FOXP2: variants seen among roughly 807,000 people sequenced by gnomAD.
The protein encoded by FOXP2 is forkhead box protein P2.
A neutral mutation model predicts 115.8 loss-of-function variants in FOXP2; 12 were observed. The ratio of observed to expected loss-of-function variants is 0.10; its 90% CI spans 0.07 to 0.17. The LOEUF (loss-of-function observed/expected upper bound fraction) is 0.17, where lower values mean the gene tolerates loss of function less well. Ranked by LOEUF, FOXP2 falls within the 10% of genes least tolerant of loss-of-function variation. The pLI is 1.00. For synonymous variants in FOXP2, 328 were observed against 297.7 expected (o/e 1.10, Z -1.05); for missense variants, 629 against 843.5 (o/e 0.75, Z 3.15).
chr7:114,616,326 C>T (rs1330599376), intron 3 of FOXP2, among the ~76,000 whole-genome samples: 1 of 152,158 alleles, frequency 6.6e-6, no homozygotes, highest in African/African-American at 2.4e-5. Context: ...CCACACCTGG[C>T]TAATTTTTGT....
Position 114,654,884 on chromosome 7 carries a change from C to T in FOXP2, c.1266+875C>T, listed in dbSNP as rs116822284. Among the ~76,000 whole-genome samples, 1,151 of 152,052 alleles carry T rather than the reference C, an allele frequency of 7.6e-3. 10 individuals are homozygous for T. Among genetic ancestry groups the T allele is most frequent in the African/African-American group, 0.026 (1,059 of 41,496 alleles). On this transcript the variant is annotated intron_variant, in intron 10 of 16. Transcript: ENST00000350908. ...TTGTAGTTGGGGAGGAGACAGAAGA[C>T]GACTATATTGTCTAATTTTCTCGTA...
intron 1 of FOXP2, among the ~76,000 whole-genome samples, chr7:114,261,733 A>G (rs1795757697): frequency 6.6e-6 from 1 of 152,162 alleles, no homozygotes; most frequent in Admixed American, 6.5e-5. Context: ...AAGTACTTAA[A>G]TCTAGATAGT....
chr7:114,264,993 T>C (rs759856492), intron 1 of FOXP2, among the ~76,000 whole-genome samples: 11 of 152,186 alleles, frequency 7.2e-5, no homozygotes, highest in Non-Finnish European at 1.5e-4. Context: ...ACTTCCAACA[T>C]TGGGGATTAT....
intron 1 of FOXP2, among the ~76,000 whole-genome samples, chr7:114,221,493 C>T (rs1261334305): frequency 6.6e-6 from 1 of 152,114 alleles, no homozygotes; most frequent in Admixed American, 6.5e-5. Flanking sequence ...TATAAGGATT[C>T]GTTCTAGGCA....
chr7:114,429,578 ATTGT>A (rs1165037422), intron 2 of FOXP2, among the ~76,000 whole-genome samples: 9 of 151,510 alleles, frequency 5.9e-5, no homozygotes, highest in Non-Finnish European at 1.2e-4. Flanking sequence ...TGCAGAATTA[ATTGT>A]TTGTGTCACT....
chr7:114,302,723 C>T (rs1025135176), intron 2 of FOXP2, among the ~76,000 whole-genome samples: 1 of 152,042 alleles, frequency 6.6e-6, no homozygotes, highest in African/African-American at 2.4e-5. Flanking sequence ...ATAATCATTC[C>T]ATAAATATAT....
At chr7:114,237,865 C>T (rs1229412877) in intron 1 of FOXP2, among the ~76,000 whole-genome samples, 1 of 151,964 alleles carries the variant, frequency 6.6e-6, no homozygotes, top group African/African-American at 2.4e-5. Flanking sequence ...GTGCAAGCTG[C>T]CCCAGAGACT....
chr7:114,487,595 A>T (rs1796853651), intron 2 of FOXP2, among the ~76,000 whole-genome samples: 1 of 152,078 alleles, frequency 6.6e-6, no homozygotes. Flanking sequence ...CCAAACTTTT[A>T]TGCTCTGCTT....
At chr7:114,664,122 GC>G (rs879722762) in intron 15 of FOXP2, 150 bp from the exon 16 acceptor site, 2 of 833,026 alleles carry the variant, frequency 2.4e-6, no homozygotes, top group Non-Finnish European at 3.7e-6. Context: ...GCCACAAGTA[GC>G]CAGTTAGGAA....
intron 2 of FOXP2, 115 bp from the exon 3 acceptor site, chr7:114,534,502 C>A: frequency 2.3e-6 from 2 of 883,146 alleles, no homozygotes; most frequent in Non-Finnish European, 3.8e-6. Flanking sequence ...ATGATTCTCT[C>A]TAGAAAGGAA....
intron 2 of FOXP2, among the ~76,000 whole-genome samples, chr7:114,377,785 T>C (rs997812631): frequency 6.6e-5 from 10 of 152,194 alleles, no homozygotes; most frequent in African/African-American, 2.2e-4. Context: ...AAACAAAAAT[T>C]AGTTTCTGGA....
chr7:114,368,598 A>G (rs1791935056), intron 2 of FOXP2, among the ~76,000 whole-genome samples: 1 of 152,104 alleles, frequency 6.6e-6, no homozygotes, highest in South Asian at 2.1e-4. Flanking sequence ...GAAAATTATT[A>G]CTCTCTAGGG....
chr7:114,408,907 ACT>A (rs1793100872), intron 2 of FOXP2, among the ~76,000 whole-genome samples: 1 of 152,036 alleles, frequency 6.6e-6, no homozygotes, highest in African/African-American at 2.4e-5. Flanking sequence ...AGTACTTGTT[ACT>A]TTTTTCTTCA....
chr7:114,518,514 T>G (rs968836166), intron 2 of FOXP2, among the ~76,000 whole-genome samples: 43 of 152,054 alleles, frequency 2.8e-4, no homozygotes, highest in Non-Finnish European at 6.0e-4. Context: ...CTATAGAATT[T>G]TTTTTTTTTT....
chr7:114,563,314 A>G (rs923440017), intron 3 of FOXP2, among the ~76,000 whole-genome samples: 1 of 152,196 alleles, frequency 6.6e-6, no homozygotes, highest in Non-Finnish European at 1.5e-5. Context: ...ACCTTAGTAG[A>G]TCCTGTCAAA....
chr7:114,623,488 A>C (rs143319822), intron 3 of FOXP2, among the ~76,000 whole-genome samples: 5 of 151,942 alleles, frequency 3.3e-5, no homozygotes, highest in Non-Finnish European at 7.4e-5. Flanking sequence ...ATGTATGTAA[A>C]ATAATCTGAG....
chr7:114,178,592 C>T (rs1024432706), intron 1 of FOXP2, among the ~76,000 whole-genome samples: 1 of 151,796 alleles, frequency 6.6e-6, no homozygotes, highest in Non-Finnish European at 1.5e-5. Flanking sequence ...AAGATATTTT[C>T]CTTGTATTAG....
At chr7:114,537,297 C>T (rs1397066243) in intron 3 of FOXP2, among the ~76,000 whole-genome samples, 1 of 151,384 alleles carries the variant, frequency 6.6e-6, no homozygotes, top group African/African-American at 2.4e-5. Context: ...TCTGTAGGTG[C>T]AAGGCAAGAT....
rs980386147 is a variant in FOXP2, at chr7:114,313,457, T to A, written c.-11+25348T>A. Among the ~76,000 whole-genome samples, 13 of 116,400 alleles carry A rather than the reference T, an allele frequency of 1.1e-4. 3 individuals are homozygous for A. The highest frequency in any genetic ancestry group is 6.9e-4 in the African/African-American group (13 of 18,798). The allele number at this position is 116,400 out of a possible 152,430, so 76.4% of individuals were successfully genotyped here. On this transcript the variant is annotated intron_variant, in intron 2 of 17. Coordinates refer to the FOXP2 transcript ENST00000634411. ...TAATCTATTAAAGGTAAAACAAAAATATTGTCGGCCGGGCGCGGTGGCTCA... is the reference window on the plus strand; with the variant it reads ...TAATCTATTAAAGGTAAAACAAAAAAATTGTCGGCCGGGCGCGGTGGCTCA...
Sources: allele counts gnomAD v4.1 joint callset (sites outside exome capture counted in the v4.1 genomes callset), GRCh38; gene constraint gnomAD v4.1.1; transcripts MANE v1.5; gene names NCBI Gene and HGNC (gene_info 2026-07-23, HGNC 2026-07-21).